The following GTF2I variants were observed in gnomAD, a reference collection of about 807,000 sequenced individuals.
The protein encoded by GTF2I is general transcription factor II-I.
GTF2I carries 12 observed loss-of-function variants against 67.6 expected under a neutral mutation model. The observed-to-expected ratio is 0.18, with a 90% CI of 0.11 to 0.29. GTF2I has a LOEUF of 0.29. Ranked by LOEUF, GTF2I falls within the 10% of genes least tolerant of loss-of-function variation. GTF2I has a pLI of 1.00. For missense variants in GTF2I, 271 were observed against 580.1 expected, an observed-to-expected ratio of 0.47 and a Z score of 5.47; for synonymous variants, 149 against 197.0, an observed-to-expected ratio of 0.76 and a Z score of 2.04.
intron 7 of GTF2I, among the ~76,000 whole-genome samples, chr7:74,705,714 A>G (rs1162548216): frequency 6.6e-6 from 1 of 152,140 alleles, no homozygotes; most frequent in Middle Eastern, 3.4e-3. Context: ...AGCATGTGCC[A>G]CCATGCCCAG....
chr7:74,662,200 C>G (rs1218215970), intron 1 of GTF2I, among the ~76,000 whole-genome samples: 1 of 99,936 alleles, frequency 1.0e-5, no homozygotes, highest in Non-Finnish European at 1.9e-5. Flanking sequence ...TAGGTTTTTT[C>G]TTTCTTTTTT....
chr7:74,678,503 A>G (rs1247348694), intron 1 of GTF2I, among the ~76,000 whole-genome samples: 3 of 98,234 alleles, frequency 3.1e-5, no homozygotes, highest in Non-Finnish European at 4.5e-5. Flanking sequence ...GCTTATTACA[A>G]GTAAAAATAG....
chr7:74,699,640 T>C (rs781806077), intron 4 of GTF2I: 7 of 153,526 alleles, frequency 4.6e-5, no homozygotes, highest in Non-Finnish European at 8.7e-5. Context: ...TCTAATTCCA[T>C]GCAAAGCCAC....
intron 1 of GTF2I, among the ~76,000 whole-genome samples, chr7:74,672,510 G>A (rs587656258): frequency 1.3e-5 from 2 of 151,656 alleles, no homozygotes; most frequent in Non-Finnish European, 2.9e-5. Flanking sequence ...ACTGTACTCC[G>A]GCCTGGGCAA....
At chr7:74,697,648 G>C (rs1789070412) in intron 3 of GTF2I, among the ~76,000 whole-genome samples, 1 of 152,142 alleles carries the variant, frequency 6.6e-6, no homozygotes, top group Non-Finnish European at 1.5e-5. Flanking sequence ...CTGGTATGTA[G>C]TATTTTTAGC....
At chr7:74,683,979 CCT>C (rs1312980511) in intron 1 of GTF2I, among the ~76,000 whole-genome samples, 1 of 151,888 alleles carries the variant, frequency 6.6e-6, no homozygotes, top group Non-Finnish European at 1.5e-5. Context: ...TACTGGGAGA[CCT>C]CTGAGTTTTG....
intron 1 of GTF2I, among the ~76,000 whole-genome samples, chr7:74,671,673 A>G (rs1005017605): frequency 2.0e-5 from 3 of 152,084 alleles, no homozygotes; most frequent in Non-Finnish European, 2.9e-5. Context: ...AAATGTCAGC[A>G]TACGCCCCTA....
intron 1 of GTF2I, chr7:74,687,529 G>C: frequency 8.1e-6 from 8 of 984,222 alleles, no homozygotes; most frequent in Non-Finnish European, 9.7e-6. Flanking sequence ...AGTGGATTAT[G>C]GTTTTTATTA....
chr7:74,704,532 A>C (rs587671368), intron 6 of GTF2I, among the ~76,000 whole-genome samples: 1 of 152,044 alleles, frequency 6.6e-6, no homozygotes, highest in Non-Finnish European at 1.5e-5. Context: ...ACCTCAAGCA[A>C]TCTACCCATC....
intron 1 of GTF2I, among the ~76,000 whole-genome samples, chr7:74,684,149 G>A (rs1442442197): frequency 6.6e-6 from 1 of 152,184 alleles, no homozygotes; most frequent in Non-Finnish European, 1.5e-5. Context: ...TGGGGTCCAT[G>A]TGTAGTCCAT....
rs1353141430 is a variant in GTF2I, at chr7:74,712,491, T to A, written c.763+1382T>A. The stretch of plus-strand genomic sequence containing the variant: ...CTACGTAAATATTCTCCCGGGAGTG[T>A]GTGTGTGTGTGTGTGTGTGTGTGTG... On this transcript the variant is annotated intron_variant, in intron 9 of 34. Coordinates refer to ENST00000573035, the MANE Select transcript of GTF2I (RefSeq NM_032999.4). Among the ~76,000 whole-genome samples the A allele has an allele frequency of 8.0e-4, 6 of 7,498 alleles. No homozygotes were observed. The South Asian group carries it at 8.3e-3, about 10-fold the overall frequency. The allele number at this position is 7,498 out of a possible 152,430, so 4.9% of individuals were successfully genotyped here. A position where few individuals can be genotyped will look rare whatever the true frequency, so the allele number is the denominator to read the frequency against.
chr7:74,700,548 G>A, intron 5 of GTF2I, 58 bp from the exon 6 acceptor site: 1 of 1,601,174 alleles, frequency 6.2e-7, no homozygotes, highest in Non-Finnish European at 8.6e-7. Context: ...TTAAATGTAT[G>A]CTTTACAATA....
chr7:74,695,532 G>C (rs1447912499), intron 3 of GTF2I, among the ~76,000 whole-genome samples: 1 of 152,150 alleles, frequency 6.6e-6, no homozygotes, highest in East Asian at 1.9e-4. Context: ...TGTCAGTTTA[G>C]ATTAAATTGG....
chr7:74,674,918 A>T (rs1393872976), intron 1 of GTF2I, among the ~76,000 whole-genome samples: 2 of 150,952 alleles, frequency 1.3e-5, no homozygotes, highest in Non-Finnish European at 2.9e-5. Flanking sequence ...CAGTGGCACC[A>T]TCTCAGCTCA....
At chr7:74,732,308 A>C (rs1461211630) in intron 14 of GTF2I, among the ~76,000 whole-genome samples, 171 bp from the exon 15 acceptor site, 1 of 151,774 alleles carries the variant, frequency 6.6e-6, no homozygotes, top group Non-Finnish European at 1.5e-5. Context: ...CGGGAGGCAG[A>C]GCTTGCAGTG....
chr7:74,705,032 C>T (rs1790433312), intron 6 of GTF2I, 132 bp from the exon 7 acceptor site: 1 of 656,566 alleles, frequency 1.5e-6, no homozygotes, highest in Non-Finnish European at 2.7e-6. Flanking sequence ...GGATGAAAAG[C>T]AGTGTTTATT....
intron 12 of GTF2I, among the ~76,000 whole-genome samples, chr7:74,719,842 C>G (rs1184727978): frequency 6.6e-6 from 1 of 152,154 alleles, no homozygotes; most frequent in African/African-American, 2.4e-5. Context: ...ATCGCTTGAA[C>G]CCTGGAGGCA....
intron 8 of GTF2I, among the ~76,000 whole-genome samples, chr7:74,707,434 C>T (rs1344393228): frequency 6.6e-6 from 1 of 152,174 alleles, no homozygotes; most frequent in Non-Finnish European, 1.5e-5. Flanking sequence ...CCTGGGCAGC[C>T]ACCTGCCCCG....
chr7:74,700,516 TC>T, intron 5 of GTF2I, 86 bp downstream of exon 5: 4 of 1,595,670 alleles, frequency 2.5e-6, no homozygotes, highest in Non-Finnish European at 3.4e-6. Flanking sequence ...TTTTTAAAAT[TC>T]ATATTTAACA....
Sources: allele counts gnomAD v4.1 joint callset (sites outside exome capture counted in the v4.1 genomes callset), GRCh38; gene constraint gnomAD v4.1.1; transcripts MANE v1.5; gene names NCBI Gene and HGNC (gene_info 2026-07-23, HGNC 2026-07-21).